TTN: variants seen among roughly 807,000 people sequenced by gnomAD.
The protein encoded by TTN is connectin.
TTN carries 1,525 observed loss-of-function variants against 3,223.0 expected under a neutral mutation model. The observed-to-expected ratio is 0.47, with a 90% CI of 0.45 to 0.49. The LOEUF (loss-of-function observed/expected upper bound fraction) is 0.49, where lower values mean the gene tolerates loss of function less well. TTN is among the 20% of genes least tolerant of loss of function. TTN has a pLI of 0.00. For synonymous variants in TTN, 14,094 were observed against 15,161.0 expected (o/e 0.93, Z 5.17); for missense variants, 40,786 against 43,424.0 (o/e 0.94, Z 5.40).
rs1396033871 is a variant in TTN at position 178,566,094 on chromosome 2, C to A, written c.80038G>T (p.Val26680Phe). Residue 26680 changes from valine (V) to phenylalanine (F), a missense_variant, in exon 326 of 363, where the codon GTT becomes TTT. Coordinates refer to ENST00000589042, the MANE Select transcript of TTN (RefSeq NM_001267550.2). ...GSKSAFVTVKVLDTPGPPQNL... is the reference protein window; with the variant it reads ...GSKSAFVTVKFLDTPGPPQNL... ...TGTGGTGGTCCTGGAGTGTCAAGAA[C>A]TTTCACAGTTACAAAAGCAGACTTT... The A allele has an allele frequency of 6.2e-7, 1 of 1,613,536 alleles. No homozygotes were observed. The highest frequency in any genetic ancestry group is 8.5e-7 in the Non-Finnish European group (1 of 1,179,686).
chr2:178,645,965 C>G lies in TTN; in HGVS notation c.40363G>C (p.Ala13455Pro), dbSNP rs1254496128. 2 of 1,586,858 alleles carry G rather than the reference C, an allele frequency of 1.3e-6. No homozygotes were observed. Among genetic ancestry groups the G allele is most frequent in the Non-Finnish European group, 1.7e-6 (2 of 1,169,410 alleles). The change falls in exon 217 of 363, where the codon GCT becomes CCT. Residue 13455 changes from alanine to proline, a missense_variant. By Grantham distance (27) the Ala-to-Pro change is conservative. Transcript: ENST00000589042. ...LKPRPPPPPP[A>P]PPKEDVKEKI... is the part of the protein sequence containing the mutation. Reference sequence around the variant, plus strand: ...TCCTTCACATCTTCCTTAGGTGGAGCAGGTGGAGGAGGTGGGGGTCTTGGT... The same window carrying G: ...TCCTTCACATCTTCCTTAGGTGGAGGAGGTGGAGGAGGTGGGGGTCTTGGT...
Position 178,614,391 on chromosome 2 carries a change from A to ATT in TTN, c.49049-45_49049-44dup, listed in dbSNP as rs200669885. The stretch of plus-strand genomic sequence containing the variant: ...GATGCAGAAAAAAAAATTGTTCACC[A>ATT]TTTTTTTTATTTTTTTCTTTCAAGA... On this transcript the variant is annotated intron_variant, in intron 261 of 362. Coordinates refer to ENST00000589042, the MANE Select transcript of TTN (RefSeq NM_001267550.2). 1.9e-6 allele frequency: 3 copies of ATT among 1,577,210 alleles called. No individual in the cohort carries two copies. The East Asian group carries it at 6.8e-5, about 36-fold the overall frequency.
rs1413732448 is a variant in TTN, at chr2:178,586,681, T to C, written c.64220A>G (p.Glu21407Gly). The C allele has an allele frequency of 3.7e-6, 6 of 1,613,070 alleles. No individual in the cohort carries two copies. Among genetic ancestry groups the C allele is most frequent in the Non-Finnish European group, 5.1e-6 (6 of 1,179,416 alleles). ...KIDGYITSYR[E>G]EEQPADRWTE... ...CCAGCGATCTGCAGGCTGCTCTTCT[T>C]CTCTGTAACTAGTGATGTAGCCATC... The change falls in exon 308 of 363, where the codon GAA (glutamate) becomes GGA (glycine). Residue 21407 changes from glutamate to glycine, a missense_variant. Coordinates refer to ENST00000589042, the MANE Select transcript of TTN (RefSeq NM_001267550.2).
At position 178,649,539 on chromosome 2, in the gene TTN, C is replaced by T. The variant is rs556956013; in HGVS notation, c.39973+15G>A. ...AATACTTTCTTTTTTATGATGCCAACGATGAAGTGAATACCTTTAGCTGCT... is the reference window on the plus strand; with the variant it reads ...AATACTTTCTTTTTTATGATGCCAATGATGAAGTGAATACCTTTAGCTGCT... On this transcript the variant is annotated intron_variant, in intron 212 of 362. Coordinates refer to ENST00000589042, the MANE Select transcript of TTN (RefSeq NM_001267550.2). 32 of 1,546,914 alleles carry T rather than the reference C, an allele frequency of 2.1e-5. No individual in the cohort carries two copies. The African/African-American group carries it at 2.2e-4, about 11-fold the overall frequency.
At chr2:178,781,978 A>G (rs1452131783) in intron 20 of TTN, among the ~76,000 whole-genome samples, 2 of 151,976 alleles carry the variant, frequency 1.3e-5, no homozygotes, top group African/African-American at 4.8e-5. Flanking sequence ...CACAAACTCA[A>G]TGAATTAAAC....
rs769165258 is a variant in TTN, at chr2:178,732,511, G to A, written c.16550C>T (p.Ser5517Leu). ...LELYLVKTSD[S>L]GTYTCKVSNV... ...GCTGACTTTACATGTGTACGTGCCC[G>A]AATCAGAGGTTTTTACTAAATAGAG... Residue 5517 changes from serine to leucine, a missense_variant, in exon 56 of 363, where the codon TCG becomes TTG. By Grantham distance (145) the Ser-to-Leu change is moderately radical. Coordinates refer to ENST00000589042, the MANE Select transcript of TTN (RefSeq NM_001267550.2). 1.9e-5 allele frequency: 31 copies of A among 1,613,522 alleles called. No homozygotes were observed. Among genetic ancestry groups the A allele is most frequent in the East Asian group, 1.8e-4 (8 of 44,844 alleles).
rs774663244 is a variant in TTN, at chr2:178,605,646, C to A, written c.53649G>T (p.Trp17883Cys). The stretch of plus-strand genomic sequence containing the variant: ...TGCCACCATTACTGCGGGGCTCTTT[C>A]CAGTCAAGTGTGATAGTGGACTTTG... ...ERTKSTITLD[W>C]KEPRSNGGSP... The change falls in exon 279 of 363, where the codon TGG (tryptophan) becomes TGT (cysteine). Residue 17883 changes from tryptophan (W) to cysteine (C), a missense_variant. Trp to Cys is a radical substitution (Grantham distance 215). Transcript: ENST00000589042. The A allele has an allele frequency of 6.2e-7, 1 of 1,610,362 alleles. No individual in the cohort carries two copies. Among genetic ancestry groups the A allele is most frequent in the South Asian group, 1.1e-5 (1 of 90,734 alleles).
At chr2:178,709,928 A>T in intron 98 of TTN, 72 bp from the exon 99 acceptor site, 1 of 1,448,054 alleles carries the variant, frequency 6.9e-7, no homozygotes, top group East Asian at 2.3e-5. Context: ...TTTCAAGAAA[A>T]AAAACCCTCA....
chr2:178,749,688 CT>C (rs1349133210), intron 47 of TTN: 5 of 1,612,958 alleles, frequency 3.1e-6, no homozygotes, highest in African/African-American at 2.7e-5. Context: ...TCAACTGCCC[CT>C]GAATTGTTTT....
chr2:178,719,542 C>T lies in TTN; in HGVS notation c.23938+12G>A. On this transcript the variant is annotated intron_variant, in intron 82 of 362. Transcript: ENST00000589042. ...AAATATTGTATATTCATAAAAATCT[C>T]ATTCTACTCACCAGAAACATGGACG... The T allele has an allele frequency of 1.3e-6, 2 of 1,594,482 alleles. No homozygotes were observed. Among genetic ancestry groups the T allele is most frequent in the Non-Finnish European group, 1.7e-6 (2 of 1,168,578 alleles).
In TTN at chr2:178,590,503, C is replaced by T. The variant is rs2049977435; in HGVS notation, c.61222G>A (p.Val20408Met). 2.5e-6 allele frequency: 4 copies of T among 1,612,992 alleles called. No homozygotes were observed. The highest frequency in any genetic ancestry group is 1.3e-5 in the African/African-American group (1 of 74,856). The change falls in exon 304 of 363, where the codon GTG becomes ATG. Residue 20408 changes from valine (V) to methionine (M), a missense_variant. Val to Met is a conservative substitution (Grantham distance 21). Transcript: ENST00000589042. ...DGGSPILGYV[V>M]ECQKPGTAQW... is the part of the protein sequence containing the mutation. ...GCTGTGCCAGGTTTCTGACATTCCA[C>T]TACATATCCTAGAATGGGGCTACCA... is the stretch of plus-strand genomic sequence containing the variant.
chr2:178,768,214 A>G, intron 38 of TTN, 59 bp from the exon 39 acceptor site: 1 of 1,555,300 alleles, frequency 6.4e-7, no homozygotes, highest in South Asian at 1.1e-5. Flanking sequence ...GATATAATTC[A>G]CATACTGTAC....
Position 178,532,283 on chromosome 2 carries a change from T to C in TTN, c.104332A>G (p.Thr34778Ala), listed in dbSNP as rs765838260. Residue 34778 changes from threonine to alanine, a missense_variant, in exon 358 of 363, where the codon ACG (threonine) becomes GCG (alanine). Physicochemically the swap from Thr to Ala is moderately conservative, Grantham distance 58. Transcript: ENST00000589042. The stretch of plus-strand genomic sequence containing the variant: ...TATTCTGAGAGATGCTGGGTGGTCG[T>C]AACTGGGCGAAGCAACTCTTCATCC... ...REDEELLRPV[T>A]TTQHLSEYKS... 18 of 1,613,992 alleles carry C rather than the reference T, an allele frequency of 1.1e-5. No individual in the cohort carries two copies. The highest frequency in any genetic ancestry group is 1.5e-5 in the Non-Finnish European group (18 of 1,179,890).
chr2:178,734,154 C>T (rs540874861), intron 52 of TTN, among the ~76,000 whole-genome samples, 174 bp downstream of exon 52: 11 of 151,484 alleles, frequency 7.3e-5, no homozygotes, highest in Middle Eastern at 6.8e-3. Flanking sequence ...ACACTAGTCT[C>T]GGGAAAAAGA....
chr2:178,673,321 C>G (rs115575404), intron 152 of TTN, among the ~76,000 whole-genome samples: 1 of 151,662 alleles, frequency 6.6e-6, no homozygotes, highest in African/African-American at 2.4e-5. Flanking sequence ...CTCCGTTCCA[C>G]TTATGGAATA....
At position 178,545,491 on chromosome 2, in the gene TTN, C is replaced by T; in HGVS notation, c.95619G>A (p.Leu31873=). 6.2e-7 allele frequency: 1 copy of T among 1,613,634 alleles called. No individual in the cohort carries two copies. Among genetic ancestry groups the T allele is most frequent in the Middle Eastern group, 1.7e-4 (1 of 6,052 alleles). The change falls in exon 344 of 363, where the codon CTG becomes CTA. Residue 31873 remains leucine, a synonymous_variant. Transcript: ENST00000589042. ...GGAACTGGTAATCACAACCCTCCAT[C>T]AGGCTGGTCACCTTCAGCCTGGTAT... ...VYDTRLKVTS[L]MEGCDYQFRV...
chr2:178,578,855 A>G lies in TTN; in HGVS notation c.68175T>C (p.Gly22725=). The change falls in exon 320 of 363, where the codon GGT becomes GGC. Residue 22725 remains glycine (G), a synonymous_variant. Coordinates refer to ENST00000589042, the MANE Select transcript of TTN (RefSeq NM_001267550.2). ...TFRVSAENKY[G]VGEGLKSEPI... is the part of the protein sequence containing the mutation. The stretch of plus-strand genomic sequence containing the variant: ...GCTCCGATTTCAGGCCTTCCCCTAC[A>G]CCATATTTATTTTCGGCACTGACCC... The G allele has an allele frequency of 1.9e-6, 3 of 1,613,034 alleles. No homozygotes were observed. Among genetic ancestry groups the G allele is most frequent in the South Asian group, 2.2e-5 (2 of 91,000 alleles).
At chr2:178,713,004 G>A (rs1336320175) in intron 93 of TTN, 29 bp from the exon 94 acceptor site, 5 of 1,606,710 alleles carry the variant, frequency 3.1e-6, no homozygotes, top group Non-Finnish European at 4.3e-6. Context: ...ATCAGAAAAG[G>A]TTTAGTATTT....
At chr2:178,732,380 A>T in intron 56 of TTN, 33 bp from the exon 57 acceptor site, 2 of 1,575,600 alleles carry the variant, frequency 1.3e-6, no homozygotes, top group Non-Finnish European at 1.7e-6. Flanking sequence ...AAGAAATGTG[A>T]GAAAGAGGAA....
Sources: gnomAD v4.1 joint callset for allele counts (sites outside exome capture counted in the v4.1 genomes callset) on GRCh38, gnomAD v4.1.1 for gene constraint, MANE v1.5 for transcripts, NCBI Gene and HGNC (gene_info 2026-07-23, HGNC 2026-07-21) for gene names.